SLC25A12: variants seen among roughly 807,000 people sequenced by gnomAD.
SLC25A12 encodes electrogenic aspartate/glutamate antiporter SLC25A12, mitochondrial.
Under a neutral mutation model 83.3 loss-of-function variants are expected in SLC25A12, and 32 were observed. That is an observed-to-expected ratio of 0.38 (90% confidence interval 0.29 to 0.52). SLC25A12 has a LOEUF of 0.52. Ranked by LOEUF, SLC25A12 falls within the 20% of genes least tolerant of loss-of-function variation. The pLI, the probability that SLC25A12 is intolerant of heterozygous loss-of-function variation, is 0.84. For missense variants in SLC25A12, 611 were observed against 835.6 expected (o/e 0.73, Z 3.31); for synonymous variants, 267 against 291.1 (o/e 0.92, Z 0.84).
Position 171,833,955 on chromosome 2 carries a change from A to C in SLC25A12, c.845+8T>G, listed in dbSNP as rs375831803. 2.1e-6 allele frequency: 3 copies of C among 1,460,600 alleles called. No homozygotes were observed. In the African/African-American group the frequency reaches 4.2e-5, roughly 20 times the overall value. 90.5% of individuals were successfully genotyped at this position (1,460,600 alleles called of 1,614,324 possible). A position where few individuals can be genotyped will look rare whatever the true frequency, so the allele number is the denominator to read the frequency against. On this transcript the variant is annotated splice_region_variant and intron_variant, in intron 8 of 17. Transcript: ENST00000422440. ...ATAAATATCATGAAGAATTATTGAA[A>C]TACTTACCCTGAAGCATTATATAAG... is the stretch of plus-strand genomic sequence containing the variant.
At chr2:171,875,300 G>A (rs6711813) in intron 2 of SLC25A12, among the ~76,000 whole-genome samples, 117,013 of 152,060 alleles carry the variant, frequency 0.77, 46,095 homozygotes, top group East Asian at 0.89. Context: ...CTCCCACACT[G>A]TGGAGTGTAC....
intron 2 of SLC25A12, among the ~76,000 whole-genome samples, chr2:171,869,976 T>C (rs1685424290): frequency 6.6e-6 from 1 of 152,240 alleles, no homozygotes; most frequent in African/African-American, 2.4e-5. Flanking sequence ...TGCTTTTTTT[T>C]CCCTCAGCAC....
intron 4 of SLC25A12, chr2:171,845,676 G>T: frequency 7.4e-6 from 2 of 271,274 alleles, no homozygotes; most frequent in Admixed American, 4.6e-5. Flanking sequence ...CTTAATAAAA[G>T]CATTACTACT....
At position 171,787,786 on chromosome 2, in the gene SLC25A12, T is replaced by C; in HGVS notation, c.1744+3A>G. ...ATTCTGTATGGCTCCAGCCCCTGCC[T>C]ACCTGCAGTCCCTTTCCAAAATGCT... On this transcript the variant is annotated splice_donor_region_variant and intron_variant, in intron 16 of 17. Coordinates refer to ENST00000422440, the MANE Select transcript of SLC25A12 (RefSeq NM_003705.5). 6.2e-7 allele frequency: 1 copy of C among 1,614,192 alleles called. No homozygotes were observed. The highest frequency in any genetic ancestry group is 8.5e-7 in the Non-Finnish European group (1 of 1,180,036).
At chr2:171,869,735 A>T (rs906873160) in intron 2 of SLC25A12, among the ~76,000 whole-genome samples, 2 of 152,226 alleles carry the variant, frequency 1.3e-5, no homozygotes, top group African/African-American at 4.8e-5. Flanking sequence ...CATCAGATTG[A>T]TTGTTACTTC....
At chr2:171,801,658 C>A (rs1683709750) in intron 13 of SLC25A12, among the ~76,000 whole-genome samples, 1 of 152,236 alleles carries the variant, frequency 6.6e-6, no homozygotes, top group Non-Finnish European at 1.5e-5. Context: ...GCCTGTTTTT[C>A]ACTTTCAGTA....
intron 7 of SLC25A12, 84 bp downstream of exon 7, chr2:171,834,643 T>C: frequency 2.8e-6 from 4 of 1,448,786 alleles, no homozygotes; most frequent in Non-Finnish European, 2.9e-6. Flanking sequence ...GGCTTTAGAG[T>C]GGTAAGCTTA....
intron 2 of SLC25A12, among the ~76,000 whole-genome samples, chr2:171,892,415 C>T (rs1393527407): frequency 5.3e-5 from 8 of 151,872 alleles, no homozygotes; most frequent in South Asian, 4.2e-4. Flanking sequence ...TTAGTAGAGA[C>T]GGGGTTTCAC....
intron 5 of SLC25A12, among the ~76,000 whole-genome samples, chr2:171,843,224 T>C (rs1227892964): frequency 6.6e-6 from 1 of 152,212 alleles, no homozygotes; most frequent in Non-Finnish European, 1.5e-5. Context: ...ATTAATAGAA[T>C]ACCTAATGTG....
At position 171,783,871 on chromosome 2, in the gene SLC25A12, C is replaced by T. The variant is rs1422997631; in HGVS notation, c.*1403G>A. ...ACAGTTGCAGTCACAGGGCTGTCAGCCATCAATCGAGGAGCACTGTGCAGG... is the reference window on the plus strand; with the variant it reads ...ACAGTTGCAGTCACAGGGCTGTCAGTCATCAATCGAGGAGCACTGTGCAGG... On this transcript the variant is annotated 3_prime_UTR_variant, in exon 18 of 18. Coordinates refer to ENST00000422440, the MANE Select transcript of SLC25A12 (RefSeq NM_003705.5). Among the ~76,000 whole-genome samples, 1 of 152,186 alleles carries T rather than the reference C, an allele frequency of 6.6e-6. No individual in the cohort carries two copies. Among genetic ancestry groups the T allele is most frequent in the Non-Finnish European group, 1.5e-5 (1 of 68,036 alleles).
intron 4 of SLC25A12, among the ~76,000 whole-genome samples, chr2:171,851,688 C>A (rs972980782): frequency 2.0e-5 from 3 of 152,064 alleles, no homozygotes; most frequent in Non-Finnish European, 4.4e-5. Flanking sequence ...GCATGTGCCA[C>A]CACACCCGGC....
chr2:171,863,050 C>T (rs1390130037), intron 3 of SLC25A12, among the ~76,000 whole-genome samples: 1 of 152,118 alleles, frequency 6.6e-6, no homozygotes, highest in Non-Finnish European at 1.5e-5. Context: ...TAGGCACACA[C>T]CATCACAACT....
chr2:171,867,190 G>T (rs1268959731), intron 3 of SLC25A12, among the ~76,000 whole-genome samples: 3 of 149,272 alleles, frequency 2.0e-5, no homozygotes, highest in Non-Finnish European at 4.5e-5. Flanking sequence ...CCCAGACGAT[G>T]GGCGGCCAGG....
At position 171,806,684 on chromosome 2, in the gene SLC25A12, GA is replaced by G. The variant is rs1325346391; in HGVS notation, c.1305+2921del. On this transcript the variant is annotated intron_variant, in intron 13 of 17. Coordinates refer to ENST00000422440, the MANE Select transcript of SLC25A12 (RefSeq NM_003705.5). ...AGGTCCTAGCTAATCCTTCCTCTGG[GA>G]AAAAAAGCCTAGAACTCAATTTGAG... 5.3e-5 allele frequency among the ~76,000 whole-genome samples: 8 copies of G among 151,992 alleles called. No homozygotes were observed. The South Asian group carries it at 1.7e-3, about 32-fold the overall frequency.
rs142911564 is a variant in SLC25A12 at position 171,847,234 on chromosome 2, CTTCTG to C, written c.326-2731_326-2727del. Among the ~76,000 whole-genome samples, 172 of 152,292 alleles carry C rather than the reference CTTCTG, an allele frequency of 1.1e-3. 3 individuals are homozygous for C. The East Asian group carries it at 0.028, about 24-fold the overall frequency. On this transcript the variant is annotated intron_variant, in intron 4 of 17. Transcript: ENST00000422440. Reference sequence around the variant, plus strand: ...ACTTCTGGAGATGTATTCTACTTCTCTTCTGTTATCATTGTTTCTACTACCAAGTG... The same window carrying C: ...ACTTCTGGAGATGTATTCTACTTCTCTTATCATTGTTTCTACTACCAAGTG...
Position 171,783,978 on chromosome 2 carries a change from A to G in SLC25A12, c.*1296T>C, listed in dbSNP as rs531425802. ...TCTCATATCCCAGCTTACTGGCAGT[A>G]GCAATAATGTCTTCCCAGAGCACTT... On this transcript the variant is annotated 3_prime_UTR_variant, in exon 18 of 18. Coordinates refer to ENST00000422440, the MANE Select transcript of SLC25A12 (RefSeq NM_003705.5). Among the ~76,000 whole-genome samples the G allele has an allele frequency of 6.6e-6, 1 of 152,318 alleles. No individual in the cohort carries two copies. Among genetic ancestry groups the G allele is most frequent in the African/African-American group, 2.4e-5 (1 of 41,576 alleles).
intron 9 of SLC25A12, 98 bp from the exon 10 acceptor site, chr2:171,815,300 C>A: frequency 2.4e-6 from 2 of 829,936 alleles, no homozygotes; most frequent in East Asian, 2.5e-5. Flanking sequence ...AAAACAAAAC[C>A]TAAAAGTGAT....
chr2:171,830,703 C>T (rs901207717), intron 8 of SLC25A12, among the ~76,000 whole-genome samples: 15 of 152,052 alleles, frequency 9.9e-5, no homozygotes, highest in Non-Finnish European at 1.8e-4. Context: ...TTAGTAGAGA[C>T]GGGGTTTCAC....
In SLC25A12 at chr2:171,815,032, T is replaced by C. The variant is rs902421797; in HGVS notation, c.1012+89A>G. Reference sequence around the variant, plus strand: ...CTGAAGTCGTGACCCATGGGAACAATGAACTGCACCTTTGCTGATCTGCCT... The same window carrying C: ...CTGAAGTCGTGACCCATGGGAACAACGAACTGCACCTTTGCTGATCTGCCT... On this transcript the variant is annotated intron_variant, in intron 10 of 17. Coordinates refer to ENST00000422440, the MANE Select transcript of SLC25A12 (RefSeq NM_003705.5). 6.6e-6 allele frequency: 7 copies of C among 1,060,584 alleles called. No homozygotes were observed. The Admixed American group carries it at 1.2e-4, about 18-fold the overall frequency. 65.7% of individuals were successfully genotyped at this position (1,060,584 alleles called of 1,614,324 possible).
Sources: gnomAD v4.1 joint callset for allele counts (sites outside exome capture counted in the v4.1 genomes callset) on GRCh38, gnomAD v4.1.1 for gene constraint, MANE v1.5 for transcripts, NCBI Gene and HGNC (gene_info 2026-07-23, HGNC 2026-07-21) for gene names.